The following PECR variants were observed in gnomAD, a reference collection of about 807,000 sequenced individuals.
PECR encodes the protein 2,4-dienoyl-CoA reductase-related protein.
Under a neutral mutation model 35.3 loss-of-function variants are expected in PECR, and 30 were observed. The ratio of observed to expected loss-of-function variants is 0.85; its 90% CI spans 0.64 to 1.15. The LOEUF is 1.15. Among genes scored for constraint, PECR ranks in the 50% most tolerant of loss-of-function variants. PECR has a pLI of 0.00. For synonymous variants in PECR, 148 were observed against 138.9 expected, an observed-to-expected ratio of 1.07 and a Z score of -0.46; for missense variants, 392 against 370.8, an observed-to-expected ratio of 1.06 and a Z score of -0.47.
At position 216,061,897 on chromosome 2, in the gene PECR, G is replaced by T. The variant is rs191879143; in HGVS notation, c.425-2921C>A. 2.9e-3 allele frequency among the ~76,000 whole-genome samples: 446 copies of T among 152,076 alleles called. 2 individuals are homozygous for T. In the Middle Eastern group the frequency reaches 0.031, roughly 10 times the overall value. ...AGAAAACATGTGTTTATATTTAAGA[G>T]ATATATAAACAAAGTACCTTTGTAT... On this transcript the variant is annotated intron_variant, in intron 3 of 7. Coordinates refer to ENST00000265322, the MANE Select transcript of PECR (RefSeq NM_018441.6).
In PECR at chr2:216,062,052, A is replaced by ATT. The variant is rs774207430; in HGVS notation, c.425-3078_425-3077dup. 4.8e-3 allele frequency among the ~76,000 whole-genome samples: 660 copies of ATT among 137,192 alleles called. 7 individuals carry two copies. The highest frequency in any genetic ancestry group is 0.017 in the African/African-American group (622 of 37,416). The allele number at this position is 137,192 out of a possible 152,430, so 90.0% of individuals were successfully genotyped here. Reference sequence around the variant, plus strand: ...AAATGGGAATGTTAGTGCGTGGTGAATTTTTTTTTTTTTTTTTTGAGACAG... The same window carrying ATT: ...AAATGGGAATGTTAGTGCGTGGTGAATTTTTTTTTTTTTTTTTTTTGAGACAG... On this transcript the variant is annotated intron_variant, in intron 3 of 7. Coordinates refer to ENST00000265322, the MANE Select transcript of PECR (RefSeq NM_018441.6).
chr2:216,078,287 C>T (rs1416461743), intron 1 of PECR, among the ~76,000 whole-genome samples: 2 of 151,860 alleles, frequency 1.3e-5, no homozygotes, highest in African/African-American at 4.8e-5. Context: ...AAAAATATGA[C>T]AATGTCGTGG....
intron 1 of PECR, among the ~76,000 whole-genome samples, chr2:216,071,618 A>G (rs1695589187): frequency 6.6e-6 from 1 of 152,140 alleles, no homozygotes; most frequent in South Asian, 2.1e-4. Flanking sequence ...ATAGTTGTGC[A>G]ATATATTCTC....
At chr2:216,076,773 C>T (rs542665851) in intron 1 of PECR, among the ~76,000 whole-genome samples, 2 of 152,114 alleles carry the variant, frequency 1.3e-5, no homozygotes, top group Admixed American at 1.3e-4. Flanking sequence ...GCACTCCAGC[C>T]TGGGCAACAA....
At chr2:216,036,499 G>C (rs1694794354), downstream of PECR, among the ~76,000 whole-genome samples, 1 of 152,186 alleles carries the variant, frequency 6.6e-6, no homozygotes, top group Non-Finnish European at 1.5e-5. Context: ...CCTTTGTCCA[G>C]GCACCAGCAG....
intron 4 of PECR, among the ~76,000 whole-genome samples, chr2:216,054,276 AAACTCC>A (rs1695180352): frequency 6.6e-6 from 1 of 151,242 alleles, no homozygotes; most frequent in Non-Finnish European, 1.5e-5. Context: ...AACAAGAGTG[AAACTCC>A]ATCTCAAAAA....
In PECR at chr2:216,031,521, G is replaced by GAGA. The variant is rs1694698883; in HGVS notation, c.*440+7669_*440+7670insTCT. Among the ~76,000 whole-genome samples, 4 of 65,620 alleles carry GAGA rather than the reference G, an allele frequency of 6.1e-5. No individual in the cohort carries two copies. In the East Asian group the frequency reaches 2.2e-3, roughly 36 times the overall value. 43.0% of individuals were successfully genotyped at this position (65,620 alleles called of 152,430 possible). The stretch of plus-strand genomic sequence containing the variant: ...AAAGAAAGAGAGAAAGGAAGGAAGG[G>GAGA]AAAAGAAAAGAAAGAAGGAAGGAAG... On this transcript the variant is annotated intron_variant and NMD_transcript_variant, in intron 7 of 7. Coordinates refer to the PECR transcript ENST00000442122.
Position 216,029,664 on chromosome 2 carries a change from C to T in PECR, c.*440+9527G>A, listed in dbSNP as rs902107948. Among the ~76,000 whole-genome samples the T allele has an allele frequency of 7.2e-5, 11 of 152,204 alleles. No homozygotes were observed. In the South Asian group the frequency reaches 8.3e-4, roughly 11 times the overall value. On this transcript the variant is annotated intron_variant and NMD_transcript_variant, in intron 7 of 7. Coordinates refer to the PECR transcript ENST00000442122. Reference sequence around the variant, plus strand: ...GGATGCTAAGTCATGCTCACAAACTCGCCAGAAGCTGAAATACACAGCCTA... The same window carrying T: ...GGATGCTAAGTCATGCTCACAAACTTGCCAGAAGCTGAAATACACAGCCTA...
intron 4 of PECR, among the ~76,000 whole-genome samples, chr2:216,057,012 T>C (rs1304417857): frequency 6.6e-6 from 1 of 152,140 alleles, no homozygotes; most frequent in East Asian, 1.9e-4. Context: ...GAAAAGCCAG[T>C]GATTTCATTT....
At chr2:216,029,344 G>A (rs897584718) in intron 7 of PECR, among the ~76,000 whole-genome samples, 1 of 152,186 alleles carries the variant, frequency 6.6e-6, no homozygotes, top group African/African-American at 2.4e-5. Context: ...TGGGCGTGGT[G>A]GCGCGCTTCT....
At chr2:216,056,166 TG>T (rs757774821) in intron 4 of PECR, among the ~76,000 whole-genome samples, 1 of 152,126 alleles carries the variant, frequency 6.6e-6, no homozygotes, top group Non-Finnish European at 1.5e-5. Context: ...TATTTCCAGA[TG>T]TATCTTGCAC....
intron 7 of PECR, among the ~76,000 whole-genome samples, chr2:216,040,377 C>A (rs927127814): frequency 7.2e-5 from 11 of 152,184 alleles, no homozygotes; most frequent in Non-Finnish European, 1.5e-5. Context: ...ATCCTCCCAC[C>A]TAAGCCTCCC....
chr2:216,076,398 T>C (rs1457193660), intron 1 of PECR, among the ~76,000 whole-genome samples: 1 of 152,210 alleles, frequency 6.6e-6, no homozygotes, highest in Non-Finnish European at 1.5e-5. Context: ...AAGATTTTCA[T>C]GCAAGGATGT....
At chr2:216,069,210 AAAT>A (rs1559217606) in intron 1 of PECR, among the ~76,000 whole-genome samples, 1 of 152,224 alleles carries the variant, frequency 6.6e-6, no homozygotes, top group Non-Finnish European at 1.5e-5. Context: ...CACAAATCAT[AAAT>A]AACAGATGCA....
chr2:216,063,130 A>T (rs1203515877), intron 3 of PECR, among the ~76,000 whole-genome samples: 1 of 152,232 alleles, frequency 6.6e-6, no homozygotes, highest in Non-Finnish European at 1.5e-5. Context: ...AACATGTTGG[A>T]TAAAATATTT....
chr2:216,031,503 GAGAGA>G, intron 7 of PECR, among the ~76,000 whole-genome samples: 9 of 126,928 alleles, frequency 7.1e-5, no homozygotes, highest in East Asian at 2.4e-4. Flanking sequence ...GAGAAAGAAA[GAGAGA>G]AAGGAAGGAA....
chr2:216,051,897 A>G (rs565709492), intron 4 of PECR, among the ~76,000 whole-genome samples: 2 of 152,338 alleles, frequency 1.3e-5, no homozygotes, highest in South Asian at 4.1e-4. Flanking sequence ...ATTTTAAATA[A>G]CAAAGGAGGC....
At position 216,040,513 on chromosome 2, in the gene PECR, C is replaced by T. The variant is rs536674438; in HGVS notation, c.827-1153G>A. On this transcript the variant is annotated intron_variant, in intron 7 of 7. Coordinates refer to ENST00000265322, the MANE Select transcript of PECR (RefSeq NM_018441.6). ...AAGCAATTGGCCCACCTTTGCCTCC[C>T]AAAGTGCTGAGATTACAGGTGTGAG... 9.9e-5 allele frequency among the ~76,000 whole-genome samples: 15 copies of T among 152,266 alleles called. No individual in the cohort carries two copies. The East Asian group carries it at 2.7e-3, about 28-fold the overall frequency.
At chr2:216,069,966 A>T (rs1458739840) in intron 1 of PECR, among the ~76,000 whole-genome samples, 1 of 151,786 alleles carries the variant, frequency 6.6e-6, no homozygotes, top group African/African-American at 2.4e-5. Context: ...ACTTTTGGAA[A>T]TATTTCATGA....
Sources: gnomAD v4.1 joint callset for allele counts (sites outside exome capture counted in the v4.1 genomes callset) on GRCh38, gnomAD v4.1.1 for gene constraint, MANE v1.5 for transcripts, NCBI Gene and HGNC (gene_info 2026-07-23, HGNC 2026-07-21) for gene names.